THRB: variants seen among roughly 807,000 people sequenced by gnomAD.
THRB encodes the protein nuclear receptor subfamily 1 group A member 2.
Under a neutral mutation model 47.8 loss-of-function variants are expected in THRB, and 12 were observed. The ratio of observed to expected loss-of-function variants is 0.25; its 90% CI spans 0.16 to 0.41. The LOEUF is 0.41. THRB is among the 10% of genes least tolerant of loss of function. The probability of loss-of-function intolerance (pLI) is 1.00; values close to 1 mark genes in which losing one functional copy is unlikely to be tolerated. For synonymous variants in THRB, 218 were observed against 212.2 expected (o/e 1.03, Z -0.24); for missense variants, 348 against 589.2 (o/e 0.59, Z 4.24).
intron 1 of THRB, among the ~76,000 whole-genome samples, chr3:24,478,631 G>A (rs1201687646): frequency 1.3e-5 from 2 of 152,282 alleles, no homozygotes; most frequent in Admixed American, 1.3e-4. Context: ...GTGAGAGACA[G>A]AGTACAAGTG....
intron 1 of THRB, among the ~76,000 whole-genome samples, chr3:24,465,568 T>C (rs562461898): frequency 6.6e-6 from 1 of 152,246 alleles, no homozygotes; most frequent in African/African-American, 2.4e-5. Flanking sequence ...ATGACAGGCT[T>C]AATTTTTGTA....
chr3:24,470,215 C>CT (rs2074459720), intron 1 of THRB, among the ~76,000 whole-genome samples: 1 of 152,200 alleles, frequency 6.6e-6, no homozygotes, highest in African/African-American at 2.4e-5. Flanking sequence ...CGAATACTCT[C>CT]TTTGACTATT....
intron 5 of THRB, among the ~76,000 whole-genome samples, chr3:24,185,787 CT>C (rs1381682205): frequency 6.6e-6 from 1 of 152,318 alleles, no homozygotes; most frequent in East Asian, 1.9e-4. Context: ...AGAGCCCATC[CT>C]TGTGGGACTG....
At chr3:24,445,214 T>C (rs983743834) in intron 1 of THRB, among the ~76,000 whole-genome samples, 1 of 152,028 alleles carries the variant, frequency 6.6e-6, no homozygotes, top group Admixed American at 6.5e-5. Flanking sequence ...AAAATGTATG[T>C]TGCTATCTCA....
At chr3:24,239,232 G>A (rs548092763) in intron 3 of THRB, among the ~76,000 whole-genome samples, 5 of 152,112 alleles carry the variant, frequency 3.3e-5, no homozygotes, top group Admixed American at 6.6e-5. Flanking sequence ...GTGAGCCACT[G>A]CATTCAGTCG....
At chr3:24,343,091 A>C (rs948852134) in intron 1 of THRB, among the ~76,000 whole-genome samples, 3 of 152,232 alleles carry the variant, frequency 2.0e-5, no homozygotes, top group African/African-American at 7.2e-5. Flanking sequence ...TGCATTAGGA[A>C]TATTAGCCTG....
rs1358667805 is a variant in THRB at position 24,228,989 on chromosome 3, T to A, written c.-30A>T. 1.9e-6 allele frequency: 3 copies of A among 1,587,408 alleles called. No homozygotes were observed. In the South Asian group the frequency reaches 3.3e-5, roughly 18 times the overall value. On this transcript the variant is annotated 5_prime_UTR_variant, in exon 4 of 11. It introduces an in-frame stop codon into an upstream open reading frame of the 5' UTR. Coordinates refer to ENST00000646209, the MANE Select transcript of THRB (RefSeq NM_001354712.2). Reference sequence around the variant, plus strand: ...TAGTAATCATTCTGGATCCCTTTTTTCACTGACATCTCCTACAAGGAAAAA... The same window carrying A: ...TAGTAATCATTCTGGATCCCTTTTTACACTGACATCTCCTACAAGGAAAAA...
At chr3:24,199,086 C>G (rs1393832574) in intron 4 of THRB, among the ~76,000 whole-genome samples, 1 of 152,162 alleles carries the variant, frequency 6.6e-6, no homozygotes, top group Non-Finnish European at 1.5e-5. Context: ...AACTGAACAC[C>G]TACTACATGC....
At chr3:24,399,016 G>A (rs1257707145) in intron 1 of THRB, among the ~76,000 whole-genome samples, 1 of 151,834 alleles carries the variant, frequency 6.6e-6, no homozygotes, top group Admixed American at 6.6e-5. Context: ...CTCATAGGTG[G>A]GAATTGAACA....
intron 1 of THRB, among the ~76,000 whole-genome samples, chr3:24,416,339 A>G (rs1283431028): frequency 6.6e-6 from 1 of 151,744 alleles, no homozygotes; most frequent in African/African-American, 2.4e-5. Flanking sequence ...CCAGGGCAAT[A>G]TGTGTAAATG....
At chr3:24,324,685 T>A (rs2058698348) in intron 2 of THRB, among the ~76,000 whole-genome samples, 1 of 152,220 alleles carries the variant, frequency 6.6e-6, no homozygotes, top group Admixed American at 6.5e-5. Context: ...CATAAATCAT[T>A]TAGTAACATG....
intron 3 of THRB, among the ~76,000 whole-genome samples, chr3:24,233,637 G>A (rs2048561141): frequency 6.7e-6 from 1 of 148,986 alleles, no homozygotes; most frequent in African/African-American, 2.5e-5. Flanking sequence ...GTAGGACATT[G>A]GTCAGACCAC....
chr3:24,420,729 G>A (rs2069166332), intron 1 of THRB, among the ~76,000 whole-genome samples: 1 of 151,772 alleles, frequency 6.6e-6, no homozygotes, highest in South Asian at 2.1e-4. Context: ...CAGAGTAAAA[G>A]GAACACATGC....
At chr3:24,179,994 A>G (rs1215507293) in intron 5 of THRB, among the ~76,000 whole-genome samples, 1 of 152,224 alleles carries the variant, frequency 6.6e-6, no homozygotes, top group Non-Finnish European at 1.5e-5. Flanking sequence ...TGTCTTAAAT[A>G]TTAAGTGGGA....
At chr3:24,434,436 A>G (rs988237578) in intron 1 of THRB, among the ~76,000 whole-genome samples, 5 of 152,198 alleles carry the variant, frequency 3.3e-5, no homozygotes, top group African/African-American at 9.6e-5. Flanking sequence ...ATAGGAATCA[A>G]ACATGACCAG....
intron 1 of THRB, among the ~76,000 whole-genome samples, chr3:24,386,627 G>C (rs1443339730): frequency 2.0e-5 from 3 of 151,894 alleles, no homozygotes; most frequent in Non-Finnish European, 4.4e-5. Context: ...ATCATACCTT[G>C]GCAAAAACAG....
At chr3:24,484,277 A>T (rs1025707124) in intron 1 of THRB, among the ~76,000 whole-genome samples, 11 of 152,190 alleles carry the variant, frequency 7.2e-5, no homozygotes, top group African/African-American at 2.7e-4. Context: ...TGAATTAATG[A>T]TATAATTTAC....
intron 5 of THRB, among the ~76,000 whole-genome samples, chr3:24,167,247 A>C (rs2039765351): frequency 6.6e-6 from 1 of 152,184 alleles, no homozygotes; most frequent in Non-Finnish European, 1.5e-5. Context: ...AACTGATATA[A>C]AACAAGCAAA....
At chr3:24,400,439 A>AAAACT (rs2067301064) in intron 1 of THRB, among the ~76,000 whole-genome samples, 2 of 152,114 alleles carry the variant, frequency 1.3e-5, no homozygotes, top group South Asian at 4.1e-4. Flanking sequence ...TTAGTACATC[A>AAAACT]AAATATCTGT....
Sources: gnomAD v4.1 joint callset for allele counts (sites outside exome capture counted in the v4.1 genomes callset) on GRCh38, gnomAD v4.1.1 for gene constraint, MANE v1.5 for transcripts, NCBI Gene and HGNC (gene_info 2026-07-23, HGNC 2026-07-21) for gene names.